The following MDN1 variants were observed in gnomAD, a reference collection of about 807,000 sequenced individuals.
MDN1 encodes midasin.
In MDN1, 266 loss-of-function variants were observed where a neutral mutation model predicts 669.2. That is an observed-to-expected ratio of 0.40 (90% CI 0.36 to 0.44). The LOEUF (loss-of-function observed/expected upper bound fraction) is 0.44, where lower values mean the gene tolerates loss of function less well. Among genes scored for constraint, MDN1 ranks in the 20% least tolerant of loss-of-function variants. MDN1 has a pLI of 1.00. For missense variants in MDN1, 5,940 were observed against 6,754.0 expected (o/e 0.88, Z 4.22); for synonymous variants, 2,385 against 2,457.1 (o/e 0.97, Z 0.87).
At chr6:89,701,761 C>T in intron 54 of MDN1, 83 bp from the exon 55 acceptor site, 3 of 1,533,784 alleles carry the variant, frequency 2.0e-6, no homozygotes, top group Non-Finnish European at 2.6e-6. Flanking sequence ...TATTTTCTTT[C>T]TTTCTTTCTT....
At position 89,683,053 on chromosome 6, in the gene MDN1, G is replaced by T. The variant is rs984107639; in HGVS notation, c.12102+79C>A. The T allele has an allele frequency of 1.4e-5, 20 of 1,400,714 alleles. No individual in the cohort carries two copies. In the African/African-American group the frequency reaches 2.8e-4, roughly 20 times the overall value. The allele number at this position is 1,400,714 out of a possible 1,614,324, so 86.8% of individuals were successfully genotyped here. A position where few individuals can be genotyped will look rare whatever the true frequency, so the allele number is the denominator to read the frequency against. ...CAAAGGCATTTTCTTGTCTAGTACT[G>T]AGGCATGCCTTGCACATAAAACACA... On this transcript the variant is annotated intron_variant, in intron 73 of 101. Coordinates refer to ENST00000369393, the MANE Select transcript of MDN1 (RefSeq NM_014611.3).
rs564961997 is a variant in MDN1 at position 89,679,243 on chromosome 6, CA to C, written c.12266-499del. Among the ~76,000 whole-genome samples, 15 of 152,296 alleles carry C rather than the reference CA, an allele frequency of 9.8e-5. 1 individual carries two copies. In the South Asian group the frequency reaches 3.1e-3, roughly 32 times the overall value. On this transcript the variant is annotated intron_variant, in intron 74 of 101. Transcript: ENST00000369393. ...CATTTTACAGACTTCAAGAAAGGCT[CA>C]GTGAGGTCTAGTCACTATCTGAAGG...
intron 82 of MDN1, 63 bp from the exon 83 acceptor site, chr6:89,671,143 T>G: frequency 2.0e-6 from 3 of 1,535,566 alleles, no homozygotes; most frequent in Non-Finnish European, 2.7e-6. Context: ...GTTTCCATTC[T>G]GGAACTAGAT....
chr6:89,696,262 A>G (rs1463488880), intron 60 of MDN1, 98 bp downstream of exon 60: 1 of 1,300,352 alleles, frequency 7.7e-7, no homozygotes, highest in East Asian at 2.4e-5. Flanking sequence ...CAAACACCAG[A>G]ACTAGCCACT....
chr6:89,664,704 A>G (rs746592871), intron 84 of MDN1, 76 bp from the exon 85 acceptor site: 20 of 1,169,712 alleles, frequency 1.7e-5, no homozygotes, highest in Non-Finnish European at 2.4e-5. Context: ...ATAAATGCCA[A>G]GGTTAATGGT....
At chr6:89,810,746 C>T (rs950857586) in intron 1 of MDN1, among the ~76,000 whole-genome samples, 2 of 152,108 alleles carry the variant, frequency 1.3e-5, no homozygotes, top group African/African-American at 4.8e-5. Flanking sequence ...GGCTGTAATT[C>T]CAGCACTCTC....
At chr6:89,811,021 T>C (rs1242249829) in intron 1 of MDN1, among the ~76,000 whole-genome samples, 7 of 152,134 alleles carry the variant, frequency 4.6e-5, no homozygotes, top group Non-Finnish European at 1.0e-4. Context: ...TCATCCTGAC[T>C]TTATTACATC....
At chr6:89,768,690 G>A (rs569586320) in intron 15 of MDN1, among the ~76,000 whole-genome samples, 2 of 152,064 alleles carry the variant, frequency 1.3e-5, no homozygotes, top group East Asian at 3.9e-4. Context: ...CAAACTATGA[G>A]GGCACCATGG....
intron 82 of MDN1, among the ~76,000 whole-genome samples, chr6:89,671,486 A>G (rs1810755001): frequency 6.6e-6 from 1 of 152,086 alleles, no homozygotes. Context: ...AAAAAATACC[A>G]AACAAAAAAA....
chr6:89,819,505 C>A lies in MDN1; in HGVS notation c.102+1G>T. ...GCTTTCCCTCTCCCTTCACGTCTTACCTGCTTGGCCAAGAACCTGCCCAAC... is the reference window on the plus strand; with the variant it reads ...GCTTTCCCTCTCCCTTCACGTCTTAACTGCTTGGCCAAGAACCTGCCCAAC... On this transcript the variant is annotated splice_donor_variant, in intron 1 of 101. Transcript: ENST00000369393. LOFTEE classifies it high-confidence loss of function. The A allele has an allele frequency of 1.2e-6, 2 of 1,605,738 alleles. No homozygotes were observed. The highest frequency in any genetic ancestry group is 2.2e-5 in the East Asian group (1 of 44,862).
intron 38 of MDN1, 85 bp downstream of exon 38, chr6:89,725,114 T>C (rs1029468896): frequency 4.0e-6 from 5 of 1,253,934 alleles, no homozygotes; most frequent in Non-Finnish European, 4.6e-6. Flanking sequence ...CTAATTCTCA[T>C]AGTGAATATC....
chr6:89,713,401 C>G, intron 46 of MDN1, 105 bp from the exon 47 acceptor site: 1 of 1,001,302 alleles, frequency 1.0e-6, no homozygotes, highest in Admixed American at 2.3e-5. Context: ...GTCAACCCCA[C>G]CCAAATACTT....
chr6:89,671,304 C>T (rs1319980470), intron 82 of MDN1, among the ~76,000 whole-genome samples: 1 of 152,178 alleles, frequency 6.6e-6, no homozygotes. Flanking sequence ...CAATCTCAAA[C>T]CGATGTCTCC....
chr6:89,705,401 C>T (rs879620383), intron 53 of MDN1, among the ~76,000 whole-genome samples: 6 of 152,094 alleles, frequency 3.9e-5, no homozygotes, highest in Admixed American at 3.3e-4. Flanking sequence ...CTTTACTAGA[C>T]TTACTAGAAT....
chr6:89,814,155 T>C (rs1408840687), intron 1 of MDN1, among the ~76,000 whole-genome samples: 4 of 152,118 alleles, frequency 2.6e-5, no homozygotes, highest in African/African-American at 7.2e-5. Context: ...TTCAGTCAAG[T>C]GCATTCTAAA....
In MDN1 at chr6:89,787,883, T is replaced by G; in HGVS notation, c.1305A>C (p.Ala435=). The G allele has an allele frequency of 6.2e-7, 1 of 1,613,494 alleles. No homozygotes were observed. ...TGGTTGCAAAAAACTGAAATCCAGG[T>G]GCCACTTTCAGACAGTCACCTCGGC... ...IPGRGDCLKV[A]PGFQFFATRR... The change falls in exon 8 of 102, where the codon GCA becomes GCC. Residue 435 remains alanine (A), a synonymous_variant. Coordinates refer to ENST00000369393, the MANE Select transcript of MDN1 (RefSeq NM_014611.3).
At chr6:89,812,866 A>C (rs1204259530) in intron 1 of MDN1, among the ~76,000 whole-genome samples, 1 of 152,178 alleles carries the variant, frequency 6.6e-6, no homozygotes, top group Non-Finnish European at 1.5e-5. Context: ...TGGTAGGCCA[A>C]GGTGGGAGGA....
In MDN1 at chr6:89,751,512, T is replaced by G. The variant is rs1281179834; in HGVS notation, c.3146A>C (p.Glu1049Ala). ...AATGTACGTCTCATCTATTGTAGGC[T>G]CCTTGTCTCCCACCGCAATCCAGTA... ...EGYWIAVGDK[E>A]PTIDETYILT... is the part of the protein sequence containing the mutation. The change falls in exon 23 of 102, where the codon GAG becomes GCG. Residue 1049 changes from glutamate (E) to alanine (A), a missense_variant. Glu to Ala is a moderately radical substitution (Grantham distance 107). Transcript: ENST00000369393. 1 of 1,614,126 alleles carries G rather than the reference T, an allele frequency of 6.2e-7. No homozygotes were observed. Among genetic ancestry groups the G allele is most frequent in the East Asian group, 2.2e-5 (1 of 44,882 alleles).
Position 89,807,862 on chromosome 6 carries a change from G to C in MDN1, c.103-4308C>G, listed in dbSNP as rs78905616. 6.4e-3 allele frequency among the ~76,000 whole-genome samples: 973 copies of C among 152,212 alleles called. 3 individuals are homozygous for C. The highest frequency in any genetic ancestry group is 8.7e-3 in the Non-Finnish European group (592 of 68,000). On this transcript the variant is annotated intron_variant, in intron 1 of 101. Transcript: ENST00000369393. ...TCTAATCTTCAATGAGGCCTATCCA[G>C]TAAAATATTCATTGCTAAGATGGTA...
Sources: allele counts gnomAD v4.1 joint callset (sites outside exome capture counted in the v4.1 genomes callset), GRCh38; gene constraint gnomAD v4.1.1; transcripts MANE v1.5; gene names NCBI Gene and HGNC (gene_info 2026-07-23, HGNC 2026-07-21).